Variants in METTL15 observed in about 807,000 individuals in gnomAD.
The protein encoded by METTL15 is methyltransferase 15, mitochondrial 12S rRNA N4-cytidine.
A neutral mutation model predicts 38.3 loss-of-function variants in METTL15; 34 were observed. The ratio of observed to expected loss-of-function variants is 0.89; its 90% CI spans 0.68 to 1.18. METTL15 has a LOEUF of 1.18. Ranked by LOEUF, METTL15 falls within the 50% of genes most tolerant of loss-of-function variation. METTL15 has a pLI of 0.00. For missense variants in METTL15, 438 were observed against 498.4 expected, an observed-to-expected ratio of 0.88 and a Z score of 1.15; for synonymous variants, 162 against 170.9, an observed-to-expected ratio of 0.95 and a Z score of 0.41.
chr11:28,436,946 G>C (rs766315110), intron 6 of METTL15, among the ~76,000 whole-genome samples: 52 of 152,204 alleles, frequency 3.4e-4, no homozygotes, highest in Non-Finnish European at 5.4e-4. Context: ...TCAGTTGCCA[G>C]CATGGCTAGA....
chr11:28,189,808 A>G (rs894652947), intron 3 of METTL15, among the ~76,000 whole-genome samples: 4 of 151,232 alleles, frequency 2.6e-5, no homozygotes, highest in Non-Finnish European at 5.9e-5. Flanking sequence ...ATTTGTTCAG[A>G]TAACATTGTA....
At position 28,348,660 on chromosome 11, in the gene METTL15, A is replaced by C. The variant is rs1850016388; in HGVS notation, c.*190-3430A>C. Among the ~76,000 whole-genome samples, 3 of 151,556 alleles carry C rather than the reference A, an allele frequency of 2.0e-5. No homozygotes were observed. The Admixed American group carries it at 2.0e-4, about 10-fold the overall frequency. On this transcript the variant is annotated intron_variant and NMD_transcript_variant, in intron 3 of 7. Coordinates refer to the METTL15 transcript ENST00000532947. ...AAATTACATACAGGCATGAGCCACC[A>C]CTGAACTTTGTCTATCCATTTATGT...
chr11:28,225,515 T>C (rs751063442), intron 4 of METTL15, among the ~76,000 whole-genome samples: 3 of 151,782 alleles, frequency 2.0e-5, no homozygotes, highest in African/African-American at 4.8e-5. Flanking sequence ...GGTTGTAGTA[T>C]TGTGGAGAAG....
intron 4 of METTL15, among the ~76,000 whole-genome samples, chr11:28,271,762 C>T (rs1168191254): frequency 6.6e-6 from 1 of 152,056 alleles, no homozygotes; most frequent in Non-Finnish European, 1.5e-5. Flanking sequence ...GCGAAAGAAA[C>T]TATCATCAGA....
intron 4 of METTL15, among the ~76,000 whole-genome samples, chr11:28,237,257 G>T (rs1242740736): frequency 3.3e-5 from 5 of 151,980 alleles, no homozygotes; most frequent in African/African-American, 1.2e-4. Flanking sequence ...TGCAGATTTG[G>T]TCTTTTCACA....
intron 5 of METTL15, among the ~76,000 whole-genome samples, chr11:28,385,784 C>T (rs2133388562): frequency 1.3e-5 from 2 of 152,092 alleles, no homozygotes; most frequent in Non-Finnish European, 2.9e-5. Flanking sequence ...CTTTGCATTA[C>T]ATGTTTGTTT....
chr11:28,219,078 T>A (rs1268590993), intron 4 of METTL15, among the ~76,000 whole-genome samples: 1 of 152,192 alleles, frequency 6.6e-6, no homozygotes, highest in Non-Finnish European at 1.5e-5. Flanking sequence ...CCTCATAAAA[T>A]GAGTTAGGGA....
At chr11:28,328,301 C>T (rs1408044853) in intron 6 of METTL15, 1 of 713,826 alleles carries the variant, frequency 1.4e-6, no homozygotes, top group Non-Finnish European at 2.2e-6. Context: ...AGGAAAGAAC[C>T]ATCACACTGA....
intron 3 of METTL15, among the ~76,000 whole-genome samples, chr11:28,143,387 CA>C (rs1254722344): frequency 6.6e-6 from 1 of 152,182 alleles, no homozygotes; most frequent in Non-Finnish European, 1.5e-5. Context: ...TAATTCCCAG[CA>C]GTACTCTCTA....
intron 6 of METTL15, among the ~76,000 whole-genome samples, chr11:28,446,692 G>A (rs533355107): frequency 6.6e-6 from 1 of 151,996 alleles, no homozygotes; most frequent in East Asian, 1.9e-4. Flanking sequence ...ACTATCAAGG[G>A]GACATGTTAT....
intron 5 of METTL15, among the ~76,000 whole-genome samples, chr11:28,372,291 A>C (rs1850252079): frequency 1.3e-5 from 2 of 152,090 alleles, no homozygotes; most frequent in Admixed American, 1.3e-4. Context: ...TGATTTGCAT[A>C]TGTTGAACCC....
intron 6 of METTL15, among the ~76,000 whole-genome samples, chr11:28,435,392 G>GGA (rs546271921): frequency 7.1e-4 from 108 of 152,304 alleles, no homozygotes; most frequent in African/African-American, 2.5e-3. Flanking sequence ...ACTGGTCCAT[G>GGA]GAAACTCTGA....
At chr11:28,517,867 C>T (rs570013657) in intron 6 of METTL15, among the ~76,000 whole-genome samples, 2 of 152,316 alleles carry the variant, frequency 1.3e-5, no homozygotes, top group African/African-American at 4.8e-5. Context: ...GGTCCTTCTG[C>T]CTACCTTCAA....
chr11:28,458,631 G>T (rs894994743), intron 6 of METTL15, among the ~76,000 whole-genome samples: 29 of 152,138 alleles, frequency 1.9e-4, no homozygotes, highest in African/African-American at 7.0e-4. Context: ...GCAGAAACAT[G>T]TGTCACCATG....
chr11:28,162,149 A>G (rs1376191299), intron 3 of METTL15, among the ~76,000 whole-genome samples: 1 of 152,132 alleles, frequency 6.6e-6, no homozygotes, highest in Non-Finnish European at 1.5e-5. Context: ...ACGTTGCCAT[A>G]GTTCAGACAA....
intron 4 of METTL15, among the ~76,000 whole-genome samples, chr11:28,224,719 A>G (rs989990186): frequency 2.0e-5 from 3 of 151,776 alleles, no homozygotes; most frequent in Non-Finnish European, 4.4e-5. Context: ...ACTCTTATCT[A>G]TATTCATATT....
chr11:28,298,437 C>T (rs1565235055), intron 6 of METTL15, among the ~76,000 whole-genome samples: 3 of 152,044 alleles, frequency 2.0e-5, no homozygotes, highest in African/African-American at 2.4e-5. Flanking sequence ...ACTAAGGAAA[C>T]TGAGGCTCAG....
intron 3 of METTL15, among the ~76,000 whole-genome samples, chr11:28,141,254 C>T (rs2133660679): frequency 6.6e-6 from 1 of 152,236 alleles, no homozygotes; most frequent in Middle Eastern, 3.4e-3. Context: ...GAGTCAGTAT[C>T]TGGGTGCAGG....
At chr11:28,390,352 A>C (rs1183392495) in intron 5 of METTL15, among the ~76,000 whole-genome samples, 1 of 151,366 alleles carries the variant, frequency 6.6e-6, no homozygotes, top group Admixed American at 6.6e-5. Flanking sequence ...TAGGGTTTTT[A>C]TGGTTTTAGG....
Sources: gnomAD v4.1 joint callset for allele counts (sites outside exome capture counted in the v4.1 genomes callset) on GRCh38, gnomAD v4.1.1 for gene constraint, MANE v1.5 for transcripts, NCBI Gene and HGNC (gene_info 2026-07-23, HGNC 2026-07-21) for gene names.